IL1RAPL1: variants seen among roughly 807,000 people sequenced by gnomAD.
The protein encoded by IL1RAPL1 is interleukin-1 receptor accessory protein-like 1.
IL1RAPL1 carries 3 observed loss-of-function variants against 48.4 expected under a neutral mutation model. The ratio of observed to expected loss-of-function variants is 0.06; its 90% CI spans 0.03 to 0.16. IL1RAPL1 has a LOEUF of 0.16. IL1RAPL1 is among the 10% of genes least tolerant of loss of function. IL1RAPL1 has a pLI of 1.00. For synonymous variants in IL1RAPL1, 185 were observed against 187.7 expected (o/e 0.99, Z 0.12); for missense variants, 349 against 530.6 (o/e 0.66, Z 3.36).
chrX:29,735,631 G>A (rs1274908806), intron 6 of IL1RAPL1, among the ~76,000 whole-genome samples: 3 of 111,881 alleles, frequency 2.7e-5, no homozygotes, highest in African/African-American at 9.8e-5. Flanking sequence ...TGTCCGGTGT[G>A]AGAGTAGGTA....
intron 6 of IL1RAPL1, among the ~76,000 whole-genome samples, chrX:29,761,757 G>T (rs1192188702): frequency 9.9e-6 from 1 of 101,288 alleles, no homozygotes; most frequent in Non-Finnish European, 2.0e-5. Context: ...TATATCACTT[G>T]ATGCACATCA....
At chrX:29,009,531 A>G (rs977871354) in intron 2 of IL1RAPL1, among the ~76,000 whole-genome samples, 2 of 111,140 alleles carry the variant, frequency 1.8e-5, no homozygotes, top group East Asian at 5.7e-4. Flanking sequence ...TTTCTCTTTT[A>G]TTTATGCCGA....
At chrX:29,224,000 G>T (rs1237814086) in intron 2 of IL1RAPL1, among the ~76,000 whole-genome samples, 2 of 111,338 alleles carry the variant, frequency 1.8e-5, no homozygotes, top group Non-Finnish European at 3.8e-5. Flanking sequence ...ACAATGTTAA[G>T]ATCCTCAGGA....
chrX:28,615,173 G>C (rs73630064), intron 1 of IL1RAPL1, among the ~76,000 whole-genome samples: 11,859 of 99,014 alleles, frequency 0.12, 930 homozygotes, highest in African/African-American at 0.27. Context: ...CAGGTATGAG[G>C]CACTGCGCCT....
At chrX:28,718,176 A>T (rs1219410693) in intron 1 of IL1RAPL1, among the ~76,000 whole-genome samples, 1 of 111,414 alleles carries the variant, frequency 9.0e-6, no homozygotes, top group African/African-American at 3.2e-5. Flanking sequence ...TGCCTGGTAT[A>T]GTTGTAGGTG....
At chrX:29,413,910 C>T (rs1934180866) in intron 5 of IL1RAPL1, among the ~76,000 whole-genome samples, 1 of 110,379 alleles carries the variant, frequency 9.1e-6, no homozygotes, top group Non-Finnish European at 1.9e-5. Flanking sequence ...CAAATGCATA[C>T]ATACGTATGT....
At chrX:28,862,966 C>T (rs1460652388) in intron 2 of IL1RAPL1, among the ~76,000 whole-genome samples, 1 of 110,459 alleles carries the variant, frequency 9.1e-6, no homozygotes, top group African/African-American at 3.3e-5. Context: ...ACGGCAACAT[C>T]CGCCTCCCCG....
At chrX:29,372,709 C>T (rs897992585) in intron 3 of IL1RAPL1, among the ~76,000 whole-genome samples, 3 of 108,172 alleles carry the variant, frequency 2.8e-5, no homozygotes, top group African/African-American at 1.0e-4. Flanking sequence ...CATCAAAGAT[C>T]AGATTGTTGT....
intron 2 of IL1RAPL1, among the ~76,000 whole-genome samples, chrX:28,926,188 C>T (rs976296549): frequency 3.6e-5 from 4 of 111,812 alleles, no homozygotes; most frequent in South Asian, 3.7e-4. Context: ...CTAGCAGCTT[C>T]GTATTGAGCA....
intron 2 of IL1RAPL1, among the ~76,000 whole-genome samples, chrX:29,089,919 A>G (rs985450250): frequency 6.7e-5 from 7 of 104,505 alleles, no homozygotes; most frequent in Non-Finnish European, 9.8e-5. Context: ...CTCAAAACAA[A>G]TTGTAGGGCT....
intron 5 of IL1RAPL1, among the ~76,000 whole-genome samples, chrX:29,663,828 A>G (rs1409823985): frequency 1.8e-5 from 2 of 111,959 alleles, no homozygotes; most frequent in African/African-American, 6.5e-5. Context: ...CAGGCTATAT[A>G]GGCTGCTAAA....
At chrX:28,828,452 T>A (rs754819069) in intron 2 of IL1RAPL1, among the ~76,000 whole-genome samples, 2 of 112,007 alleles carry the variant, frequency 1.8e-5, no homozygotes, top group South Asian at 7.3e-4. Context: ...TTTGGTTGAC[T>A]TGAGAGTTTT....
chrX:29,297,881 A>C (rs931448111), intron 3 of IL1RAPL1, among the ~76,000 whole-genome samples: 5 of 111,883 alleles, frequency 4.5e-5, no homozygotes, highest in Non-Finnish European at 9.4e-5. Flanking sequence ...CCAATGGCTA[A>C]TTTATTTGAA....
At chrX:28,794,561 T>G (rs1936588730) in intron 2 of IL1RAPL1, among the ~76,000 whole-genome samples, 1 of 111,588 alleles carries the variant, frequency 9.0e-6, no homozygotes, top group Middle Eastern at 4.6e-3. Flanking sequence ...ATATAAAAGC[T>G]CCCTAAAGCA....
At chrX:29,873,830 G>A (rs996792188) in intron 6 of IL1RAPL1, among the ~76,000 whole-genome samples, 7 of 111,437 alleles carry the variant, frequency 6.3e-5, no homozygotes, top group African/African-American at 2.0e-4. Context: ...TCCTATTACC[G>A]CAGGTCTCCT....
At chrX:28,803,027 A>G (rs1273383572) in intron 2 of IL1RAPL1, among the ~76,000 whole-genome samples, 1 of 111,571 alleles carries the variant, frequency 9.0e-6, no homozygotes, top group African/African-American at 3.2e-5. Flanking sequence ...CTACATTTTT[A>G]TAATAGAAAT....
At chrX:28,989,878 A>G (rs1925561146) in intron 2 of IL1RAPL1, among the ~76,000 whole-genome samples, 1 of 111,917 alleles carries the variant, frequency 8.9e-6, no homozygotes. Context: ...TTATTCTAAT[A>G]TAGTTTATGA....
At chrX:28,920,580 T>A (rs923146307) in intron 2 of IL1RAPL1, among the ~76,000 whole-genome samples, 16 of 111,917 alleles carry the variant, frequency 1.4e-4, no homozygotes, top group African/African-American at 4.6e-4. Flanking sequence ...GTGTTGTGGT[T>A]CCAGGCTAAG....
chrX:29,874,880 A>G (rs747844162), intron 6 of IL1RAPL1, among the ~76,000 whole-genome samples: 1 of 112,402 alleles, frequency 8.9e-6, no homozygotes, highest in African/African-American at 3.2e-5. Context: ...ATCTTAGCAC[A>G]TATCTTTGAC....
Sources: gnomAD v4.1 joint callset for allele counts (sites outside exome capture counted in the v4.1 genomes callset) on GRCh38, gnomAD v4.1.1 for gene constraint, MANE v1.5 for transcripts, NCBI Gene and HGNC (gene_info 2026-07-23, HGNC 2026-07-21) for gene names.